Variants in ASPM observed in about 807,000 individuals in gnomAD.
ASPM encodes assembly factor for spindle microtubules.
ASPM carries 256 observed loss-of-function variants against 366.4 expected under a neutral mutation model. That is an observed-to-expected ratio of 0.70 (90% CI 0.63 to 0.77). The LOEUF is 0.77. Among genes scored for constraint, ASPM ranks in the 30% least tolerant of loss-of-function variants. The pLI is 0.00. For missense variants in ASPM, 4,146 were observed against 4,090.4 expected (o/e 1.01, Z -0.37); for synonymous variants, 1,414 against 1,342.9 (o/e 1.05, Z -1.16).
intron 5 of ASPM, 105 bp downstream of exon 5, chr1:197,134,991 G>T: frequency 1.1e-6 from 1 of 930,636 alleles, no homozygotes; most frequent in Non-Finnish European, 1.6e-6. Context: ...AGGGAATTAT[G>T]CCATTAATTA....
At chr1:197,099,207 C>T (rs1657078466) in intron 18 of ASPM, among the ~76,000 whole-genome samples, 1 of 151,446 alleles carries the variant, frequency 6.6e-6, no homozygotes, top group Non-Finnish European at 1.5e-5. Context: ...GTCCATCTTC[C>T]ACATTCCTGC....
intron 10 of ASPM, 96 bp downstream of exon 10, chr1:197,128,394 C>A: frequency 9.2e-6 from 11 of 1,199,578 alleles, no homozygotes; most frequent in East Asian, 5.5e-5. Context: ...TATTGTACTA[C>A]TTGAAAGAGC....
rs1379870992 is a variant in ASPM, at chr1:197,096,073, T to C, written c.8912A>G (p.His2971Arg). Residue 2971 changes from histidine to arginine, a missense_variant, in exon 19 of 28, where the codon CAC (histidine) becomes CGC (arginine). This residue lies in a region of ASPM where 3,624 missense variants were observed against 3,591.7 expected (regional missense o/e 1.01). Coordinates refer to ENST00000367409, the MANE Select transcript of ASPM (RefSeq NM_018136.5). ...IQAWYRCWRA[H>R]KEYLAILKAV... ...TTTTAATATAGCTAGATATTCTTTG[T>C]GTGCTCTCCAACATCTATACCAGGC... 1.2e-6 allele frequency: 2 copies of C among 1,609,076 alleles called. No homozygotes were observed. Among genetic ancestry groups the C allele is most frequent in the African/African-American group, 1.3e-5 (1 of 74,790 alleles).
chr1:197,101,136 T>C lies in ASPM; in HGVS notation c.8115A>G (p.Lys2705=). Residue 2705 remains lysine, a synonymous_variant, in exon 18 of 28, where the codon AAA becomes AAG. Transcript: ENST00000367409. ...IQSFYRMHRA[K]VDYETKKTAI... ...CAGTTTTCTTTGTTTCATAATCAAC[T>C]TTGGCCCTGTGCATTCGATAGAATG... 1 of 1,612,346 alleles carries C rather than the reference T, an allele frequency of 6.2e-7. No individual in the cohort carries two copies. Among genetic ancestry groups the C allele is most frequent in the Non-Finnish European group, 8.5e-7 (1 of 1,179,044 alleles).
At chr1:197,124,716 C>CAT (rs143655769) in intron 12 of ASPM, among the ~76,000 whole-genome samples, 154 bp downstream of exon 12, 146 of 149,972 alleles carry the variant, frequency 9.7e-4, no homozygotes, top group Middle Eastern at 3.5e-3. Context: ...CATATATATA[C>CAT]ATATATATAT....
chr1:197,106,634 T>A (rs1023878487), intron 17 of ASPM, among the ~76,000 whole-genome samples: 5 of 152,174 alleles, frequency 3.3e-5, no homozygotes, highest in Non-Finnish European at 5.9e-5. Context: ...GATATGATCA[T>A]CTCCTCTCCT....
intron 26 of ASPM, among the ~76,000 whole-genome samples, 179 bp from the exon 27 acceptor site, chr1:197,087,151 T>C (rs1191968694): frequency 6.6e-6 from 1 of 152,118 alleles, no homozygotes; most frequent in East Asian, 1.9e-4. Flanking sequence ...CTTAGCTCAA[T>C]GCAATCTCTG....
intron 3 of ASPM, among the ~76,000 whole-genome samples, chr1:197,142,054 T>C (rs1658600918): frequency 6.6e-6 from 1 of 152,196 alleles, no homozygotes; most frequent in Admixed American, 6.5e-5. Flanking sequence ...TCAATTCATC[T>C]TTTATTGTAC....
rs774358340 is a variant in ASPM, at chr1:197,146,430, T to C, written c.8A>G (p.Asn3Ser). The change falls in exon 1 of 28, where the codon AAC becomes AGC. Residue 3 changes from asparagine to serine, a missense_variant. Asn to Ser is a conservative substitution (Grantham distance 46). Transcript: ENST00000367409. MA[N>S]RRVGRGCWEV... ...CCAGCAGCCTCGCCCCACTCGCCGG[T>C]TCGCCATGGCAGATTCGAGACCCCT... The C allele has an allele frequency of 5.0e-6, 8 of 1,607,442 alleles. No homozygotes were observed. Among genetic ancestry groups the C allele is most frequent in the Non-Finnish European group, 6.8e-6 (8 of 1,179,334 alleles).
intron 26 of ASPM, among the ~76,000 whole-genome samples, chr1:197,087,859 G>A (rs1319958864): frequency 1.3e-5 from 2 of 152,096 alleles, no homozygotes; most frequent in Non-Finnish European, 2.9e-5. Context: ...TCCAATTATG[G>A]CCTATGGTTT....
At position 197,146,427 on chromosome 1, in the gene ASPM, C is replaced by G. The variant is rs1658787381; in HGVS notation, c.11G>C (p.Arg4Pro). 7.5e-6 allele frequency: 12 copies of G among 1,608,272 alleles called. No individual in the cohort carries two copies. Among genetic ancestry groups the G allele is most frequent in the Non-Finnish European group, 1.0e-5 (12 of 1,179,522 alleles). MANRRVGRGCWEVS... is the reference protein window; with the variant it reads MANPRVGRGCWEVS... ...TTCCCAGCAGCCTCGCCCCACTCGCCGGTTCGCCATGGCAGATTCGAGACC... is the reference window on the plus strand; with the variant it reads ...TTCCCAGCAGCCTCGCCCCACTCGCGGGTTCGCCATGGCAGATTCGAGACC... The change falls in exon 1 of 28, where the codon CGG (arginine) becomes CCG (proline). Residue 4 changes from arginine (R) to proline (P), a missense_variant. Transcript: ENST00000367409.
At chr1:197,115,677 C>A (rs578159626) in intron 17 of ASPM, among the ~76,000 whole-genome samples, 54 of 152,294 alleles carry the variant, frequency 3.5e-4, no homozygotes, top group African/African-American at 1.3e-3. Flanking sequence ...TTGTCCATGT[C>A]CATGACCAGG....
intron 4 of ASPM, chr1:197,139,001 C>G (rs751343219): frequency 2.5e-5 from 18 of 723,756 alleles, no homozygotes; most frequent in Admixed American, 6.3e-5. Context: ...TGACATTGAT[C>G]ATAGCACTCT....
chr1:197,130,750 G>T (rs987984290), intron 7 of ASPM, among the ~76,000 whole-genome samples: 3 of 152,018 alleles, frequency 2.0e-5, no homozygotes, highest in Admixed American at 1.3e-4. Context: ...AAGAATCCTA[G>T]GGTGTAGTAA....
At chr1:197,146,040 T>C (rs1658765700) in intron 1 of ASPM, 101 bp downstream of exon 1, 3 of 1,466,170 alleles carry the variant, frequency 2.0e-6, no homozygotes, top group Non-Finnish European at 2.9e-6. Context: ...AAGGGTCTTT[T>C]CTGATTTCTT....
Position 197,102,618 on chromosome 1 carries a change from C to T in ASPM, c.6633G>A (p.Lys2211=), listed in dbSNP as rs772974581. The T allele has an allele frequency of 1.1e-5, 18 of 1,612,188 alleles. No individual in the cohort carries two copies. The highest frequency in any genetic ancestry group is 1.7e-5 in the Admixed American group (1 of 59,750). Residue 2211 remains lysine, a synonymous_variant, in exon 18 of 28, where the codon AAG becomes AAA. Coordinates refer to ENST00000367409, the MANE Select transcript of ASPM (RefSeq NM_018136.5). ...GTACTGTTTTTGTTATTTTCTTTAACTTATTAAAGTATGTTTGCTGTCTGT... is the reference window on the plus strand; with the variant it reads ...GTACTGTTTTTGTTATTTTCTTTAATTTATTAAAGTATGTTTGCTGTCTGT... ...RRYRQQTYFN[K]LKKITKTVQQ...
chr1:197,123,483 C>G (rs995484939), intron 13 of ASPM, among the ~76,000 whole-genome samples: 3 of 152,032 alleles, frequency 2.0e-5, no homozygotes, highest in Non-Finnish European at 4.4e-5. Flanking sequence ...AACTTTGGCT[C>G]TCTAGTATTT....
intron 18 of ASPM, among the ~76,000 whole-genome samples, chr1:197,099,856 A>G (rs2125092893): frequency 6.6e-6 from 1 of 151,860 alleles, no homozygotes; most frequent in Non-Finnish European, 1.5e-5. Flanking sequence ...TCTATGCAAC[A>G]TTGGCCAAAT....
At position 197,101,829 on chromosome 1, in the gene ASPM, CTTT is replaced by C. The variant is rs1234737549; in HGVS notation, c.7419_7421del (p.Lys2476del). On this transcript the variant is annotated inframe_deletion, in exon 18 of 28. Transcript: ENST00000367409. ...CCCTTTGCATTTCTTGTAACTTCTTCTTTACCATCAGTCTTCTGTAAGATGACT... is the reference window on the plus strand; with the variant it reads ...CCCTTTGCATTTCTTGTAACTTCTTCACCATCAGTCTTCTGTAAGATGACT... 64 of 1,612,884 alleles carry C rather than the reference CTTT, an allele frequency of 4.0e-5. No individual in the cohort carries two copies. The highest frequency in any genetic ancestry group is 5.3e-5 in the Non-Finnish European group (63 of 1,179,330).
Sources: gnomAD v4.1 joint callset for allele counts (sites outside exome capture counted in the v4.1 genomes callset) on GRCh38, gnomAD v4.1.1 for gene constraint, gnomAD v4.1.1 regional missense constraint, MANE v1.5 for transcripts, NCBI Gene and HGNC (gene_info 2026-07-23, HGNC 2026-07-21) for gene names.